ATG10: variants seen among roughly 807,000 people sequenced by gnomAD.
ATG10 encodes the protein ubiquitin-like-conjugating enzyme ATG10.
A neutral mutation model predicts 32.1 loss-of-function variants in ATG10; 30 were observed. That is an observed-to-expected ratio of 0.94 (90% CI 0.70 to 1.27). The LOEUF is 1.27. ATG10 is among the 50% of genes most tolerant of loss of function. The probability of loss-of-function intolerance (pLI) is 0.00; values close to 1 mark genes in which losing one functional copy is unlikely to be tolerated. For synonymous variants in ATG10, 87 were observed against 91.5 expected (o/e 0.95, Z 0.28); for missense variants, 233 against 262.3 (o/e 0.89, Z 0.77).
chr5:82,150,570 C>T (rs937899301), intron 3 of ATG10, among the ~76,000 whole-genome samples: 2 of 152,184 alleles, frequency 1.3e-5, no homozygotes, highest in African/African-American at 2.4e-5. Flanking sequence ...AACAGGGAGA[C>T]ATGAGGGTCC....
chr5:82,063,944 T>C (rs901140939), intron 3 of ATG10, among the ~76,000 whole-genome samples: 2 of 145,156 alleles, frequency 1.4e-5, no homozygotes, highest in Non-Finnish European at 3.1e-5. Flanking sequence ...AATTTACCTG[T>C]GTAACAAACC....
At chr5:82,194,813 T>C (rs956543366) in intron 5 of ATG10, among the ~76,000 whole-genome samples, 6 of 152,194 alleles carry the variant, frequency 3.9e-5, no homozygotes, top group Admixed American at 6.5e-5. Context: ...TTTGGCCCTG[T>C]AGGTATGCTC....
chr5:81,988,516 C>G (rs1262453694), intron 2 of ATG10, among the ~76,000 whole-genome samples: 4 of 152,146 alleles, frequency 2.6e-5, no homozygotes, highest in African/African-American at 9.7e-5. Flanking sequence ...TCACTGCAAT[C>G]TCCACCTCCT....
intron 3 of ATG10, among the ~76,000 whole-genome samples, chr5:82,088,124 C>A (rs1023807888): frequency 6.6e-6 from 1 of 152,084 alleles, no homozygotes; most frequent in Non-Finnish European, 1.5e-5. Flanking sequence ...AACATGGTTC[C>A]TTCTTCGGGC....
At chr5:82,120,015 TGTG>T (rs1765983596) in intron 3 of ATG10, among the ~76,000 whole-genome samples, 1 of 148,782 alleles carries the variant, frequency 6.7e-6, no homozygotes, top group Non-Finnish European at 1.5e-5. Context: ...TGTGTGTGTG[TGTG>T]TACGCACGCA....
intron 2 of ATG10, among the ~76,000 whole-genome samples, chr5:82,049,112 G>A (rs576249020): frequency 1.4e-4 from 21 of 151,514 alleles, no homozygotes; most frequent in African/African-American, 4.1e-4. Context: ...TGTTTCTTGC[G>A]GCATTATTCA....
At chr5:82,167,848 A>C (rs1256992600) in intron 4 of ATG10, among the ~76,000 whole-genome samples, 1 of 152,168 alleles carries the variant, frequency 6.6e-6, no homozygotes, top group Non-Finnish European at 1.5e-5. Context: ...TAAGAGAAGA[A>C]ATAAGCCCTT....
At chr5:82,102,570 A>C (rs1228376504) in intron 3 of ATG10, among the ~76,000 whole-genome samples, 1 of 152,200 alleles carries the variant, frequency 6.6e-6, no homozygotes, top group Non-Finnish European at 1.5e-5. Context: ...CATCATTTTC[A>C]AGATTCCAAA....
intron 5 of ATG10, among the ~76,000 whole-genome samples, chr5:82,180,953 G>A (rs138586183): frequency 1.1e-3 from 167 of 152,156 alleles, no homozygotes; most frequent in Middle Eastern, 6.8e-3. Context: ...TTTATTGATA[G>A]AACTCTTACA....
intron 5 of ATG10, among the ~76,000 whole-genome samples, chr5:82,229,102 C>A (rs1395698206): frequency 1.3e-5 from 2 of 152,170 alleles, no homozygotes; most frequent in East Asian, 3.8e-4. Flanking sequence ...AGATCCCTTG[C>A]CTTTGTAGGG....
intron 5 of ATG10, among the ~76,000 whole-genome samples, chr5:82,186,167 T>C (rs923969402): frequency 3.9e-5 from 6 of 152,218 alleles, no homozygotes; most frequent in Admixed American, 3.3e-4. Flanking sequence ...CAGGCTTCCT[T>C]CATGGTGGAG....
intron 4 of ATG10, among the ~76,000 whole-genome samples, chr5:82,172,147 C>G (rs1743832080): frequency 6.6e-6 from 1 of 152,070 alleles, no homozygotes; most frequent in Non-Finnish European, 1.5e-5. Context: ...GGGAAAATTC[C>G]AGATACTCAT....
At chr5:82,201,252 G>A (rs1745059511) in intron 5 of ATG10, among the ~76,000 whole-genome samples, 1 of 152,008 alleles carries the variant, frequency 6.6e-6, no homozygotes, top group African/African-American at 2.4e-5. Flanking sequence ...CCTCGCCCAA[G>A]GTCACAAACA....
intron 3 of ATG10, among the ~76,000 whole-genome samples, chr5:82,158,362 C>T (rs1457691215): frequency 6.6e-6 from 1 of 151,230 alleles, no homozygotes; most frequent in Non-Finnish European, 1.5e-5. Flanking sequence ...CCCCGCCCCC[C>T]ATCTCTGTGG....
intron 5 of ATG10, among the ~76,000 whole-genome samples, chr5:82,237,701 C>T (rs551280451): frequency 3.0e-4 from 46 of 151,988 alleles, no homozygotes; most frequent in African/African-American, 1.0e-3. Flanking sequence ...GTGACCTCTC[C>T]TTTCTTTGAA....
At chr5:82,005,584 C>T (rs184650407) in intron 2 of ATG10, among the ~76,000 whole-genome samples, 11 of 152,294 alleles carry the variant, frequency 7.2e-5, no homozygotes, top group Non-Finnish European at 1.2e-4. Flanking sequence ...CGTGAGCCAC[C>T]GCACATTTAT....
chr5:81,977,565 C>T (rs1219960790), intron 1 of ATG10, among the ~76,000 whole-genome samples: 1 of 152,228 alleles, frequency 6.6e-6, no homozygotes, highest in Non-Finnish European at 1.5e-5. Context: ...CTCTTCTCCA[C>T]CCGAGCTATG....
intron 2 of ATG10, among the ~76,000 whole-genome samples, chr5:82,006,248 A>G (rs1039823060): frequency 2.0e-5 from 3 of 152,212 alleles, no homozygotes; most frequent in Admixed American, 6.5e-5. Flanking sequence ...AAAGCCCACC[A>G]TGGACCTTCC....
At chr5:81,984,019 C>T (rs1244550063) in intron 1 of ATG10, among the ~76,000 whole-genome samples, 17 of 152,138 alleles carry the variant, frequency 1.1e-4, no homozygotes, top group South Asian at 2.1e-4. Flanking sequence ...ACTTTCCAGA[C>T]GGGGTGGCAG....
Sources: allele counts gnomAD v4.1 joint callset (sites outside exome capture counted in the v4.1 genomes callset), GRCh38; gene constraint gnomAD v4.1.1; transcripts MANE v1.5; gene names NCBI Gene and HGNC (gene_info 2026-07-23, HGNC 2026-07-21).